LIN52: variants seen among roughly 807,000 people sequenced by gnomAD.
LIN52 encodes the protein protein lin-52 homolog.
LIN52 carries 4 observed loss-of-function variants against 18.5 expected under a neutral mutation model. The observed-to-expected ratio is 0.22, with a 90% confidence interval of 0.11 to 0.49. The LOEUF (loss-of-function observed/expected upper bound fraction) is 0.49, where lower values mean the gene tolerates loss of function less well. LIN52 is among the 20% of genes least tolerant of loss of function. The pLI, the probability that LIN52 is intolerant of heterozygous loss-of-function variation, is 0.97. For synonymous variants in LIN52, 34 were observed against 45.5 expected, an observed-to-expected ratio of 0.75 and a Z score of 1.02; for missense variants, 102 against 139.5, an observed-to-expected ratio of 0.73 and a Z score of 1.35.
intron 5 of LIN52, among the ~76,000 whole-genome samples, chr14:74,157,819 G>A (rs1448113691): frequency 7.3e-6 from 1 of 136,496 alleles, no homozygotes; most frequent in Non-Finnish European, 1.6e-5. Flanking sequence ...CAGGCTTTCC[G>A]TAGTGTCATC....
intron 5 of LIN52, among the ~76,000 whole-genome samples, chr14:74,144,435 T>G (rs1270854339): frequency 1.3e-5 from 2 of 152,176 alleles, no homozygotes; most frequent in Non-Finnish European, 1.5e-5. Context: ...CCTCAAATTA[T>G]TTTTAAACCA....
chr14:74,170,196 A>C (rs551831673), intron 5 of LIN52, among the ~76,000 whole-genome samples: 1 of 152,210 alleles, frequency 6.6e-6, no homozygotes. Flanking sequence ...TGTGAGCTCC[A>C]TGAGAGCCAG....
chr14:74,166,249 T>C (rs1387537782), intron 5 of LIN52, among the ~76,000 whole-genome samples: 2 of 151,458 alleles, frequency 1.3e-5, no homozygotes, highest in Non-Finnish European at 2.9e-5. Context: ...AGAGTTTTGC[T>C]CTCGTTGCCC....
intron 5 of LIN52, among the ~76,000 whole-genome samples, chr14:74,195,944 AC>A (rs1391518572): frequency 6.6e-6 from 1 of 152,300 alleles, no homozygotes; most frequent in East Asian, 1.9e-4. Flanking sequence ...GCAGCCCCTG[AC>A]CCACAGCAAT....
chr14:74,176,100 G>T (rs944215235), intron 5 of LIN52, among the ~76,000 whole-genome samples: 2 of 152,166 alleles, frequency 1.3e-5, no homozygotes, highest in Non-Finnish European at 2.9e-5. Context: ...CACACATGGA[G>T]CTGTCATCTC....
At chr14:74,152,082 G>T (rs1363223592) in intron 5 of LIN52, among the ~76,000 whole-genome samples, 5 of 152,046 alleles carry the variant, frequency 3.3e-5, no homozygotes, top group Non-Finnish European at 5.9e-5. Context: ...GTCCAACATG[G>T]TGAAACCCCA....
At chr14:74,181,056 T>C (rs10133356) in intron 5 of LIN52, among the ~76,000 whole-genome samples, 89,015 of 146,646 alleles carry the variant, frequency 0.61, 27,919 homozygotes, top group Admixed American at 0.69. Flanking sequence ...TACAGTGAGC[T>C]GTGATCATGC....
At chr14:74,164,434 A>G (rs4903196) in intron 5 of LIN52, among the ~76,000 whole-genome samples, 117,593 of 151,514 alleles carry the variant, frequency 0.78, 45,941 homozygotes, top group Admixed American at 0.81. Flanking sequence ...ACAGGCAGGC[A>G]CCACCATGCC....
At chr14:74,155,859 G>A (rs1341302256) in intron 5 of LIN52, among the ~76,000 whole-genome samples, 1 of 152,120 alleles carries the variant, frequency 6.6e-6, no homozygotes, top group Non-Finnish European at 1.5e-5. Context: ...AAGGGACTGG[G>A]TTTATTTATT....
At chr14:74,186,454 G>T (rs1418396600) in intron 5 of LIN52, among the ~76,000 whole-genome samples, 1 of 151,966 alleles carries the variant, frequency 6.6e-6, no homozygotes, top group African/African-American at 2.4e-5. Context: ...GAACTTCATG[G>T]AGCATGAAAG....
intron 2 of LIN52, 51 bp from the exon 3 acceptor site, chr14:74,095,897 G>A: frequency 8.3e-7 from 1 of 1,200,154 alleles, no homozygotes; most frequent in African/African-American, 1.5e-5. Context: ...GATCTTCTAT[G>A]CCTGAGCAAT....
At chr14:74,131,293 A>T (rs1214410174) in intron 5 of LIN52, among the ~76,000 whole-genome samples, 13 of 151,716 alleles carry the variant, frequency 8.6e-5, no homozygotes, top group Non-Finnish European at 1.5e-5. Flanking sequence ...AGGGATATCC[A>T]AGAATAAACT....
At chr14:74,137,098 T>A (rs776192531) in intron 5 of LIN52, among the ~76,000 whole-genome samples, 5 of 151,198 alleles carry the variant, frequency 3.3e-5, no homozygotes, top group Non-Finnish European at 5.9e-5. Flanking sequence ...CAGTTCATTA[T>A]GAAAAAATTT....
At chr14:74,123,397 A>T (rs2061010472) in intron 5 of LIN52, among the ~76,000 whole-genome samples, 1 of 152,214 alleles carries the variant, frequency 6.6e-6, no homozygotes, top group Non-Finnish European at 1.5e-5. Flanking sequence ...ATGAGGAACC[A>T]AGAACAATTC....
At chr14:74,127,769 G>A (rs1251357172) in intron 5 of LIN52, among the ~76,000 whole-genome samples, 1 of 152,026 alleles carries the variant, frequency 6.6e-6, no homozygotes, top group Non-Finnish European at 1.5e-5. Context: ...TTGAGATGGG[G>A]TCTTGCTATG....
chr14:74,166,183 G>A (rs183336333), intron 5 of LIN52, among the ~76,000 whole-genome samples: 234 of 151,494 alleles, frequency 1.5e-3, no homozygotes, highest in African/African-American at 5.5e-3. Flanking sequence ...GAGCCACTGC[G>A]CCCAGCTATT....
chr14:74,116,709 T>TAA (rs1299222959), intron 5 of LIN52, among the ~76,000 whole-genome samples: 3 of 122,154 alleles, frequency 2.5e-5, no homozygotes, highest in Non-Finnish European at 5.2e-5. Context: ...ACTATGTCTC[T>TAA]AAAAAAAAAA....
chr14:74,149,952 T>A (rs919204979), intron 5 of LIN52, among the ~76,000 whole-genome samples: 1 of 152,222 alleles, frequency 6.6e-6, no homozygotes, highest in Non-Finnish European at 1.5e-5. Context: ...CTAACCTCTC[T>A]TTCCCTAAGT....
chr14:74,180,461 G>A lies in LIN52; in HGVS notation c.284-18461G>A, dbSNP rs777206327. ...TTTTTTTTGTATTTTTAGTAGAGAT[G>A]GGGTTTCACCGTGGTCTCGATCTCC... On this transcript the variant is annotated intron_variant, in intron 5 of 5. Transcript: ENST00000555028. 5.9e-4 allele frequency among the ~76,000 whole-genome samples: 89 copies of A among 151,608 alleles called. 2 individuals carry two copies. Among genetic ancestry groups the A allele is most frequent in the Non-Finnish European group, 6.3e-4 (43 of 67,898 alleles).
Sources: gnomAD v4.1 joint callset for allele counts (sites outside exome capture counted in the v4.1 genomes callset) on GRCh38, gnomAD v4.1.1 for gene constraint, MANE v1.5 for transcripts, NCBI Gene and HGNC (gene_info 2026-07-23, HGNC 2026-07-21) for gene names.